Variants in RALA observed in about 807,000 individuals in gnomAD.
RALA encodes RAS like proto-oncogene A, also known as ras-related protein Ral-A.
In RALA, 5 loss-of-function variants were observed where a neutral mutation model predicts 24.0. The observed-to-expected ratio is 0.21, with a 90% CI of 0.11 to 0.44. The LOEUF is 0.44. Ranked by LOEUF, RALA falls within the 20% of genes least tolerant of loss-of-function variation. The pLI, the probability that RALA is intolerant of heterozygous loss-of-function variation, is 0.99. For missense variants in RALA, 95 were observed against 241.2 expected (o/e 0.39, Z 4.01); for synonymous variants, 77 against 83.8 (o/e 0.92, Z 0.44).
intron 4 of RALA, among the ~76,000 whole-genome samples, chr7:39,698,304 A>G (rs910532932): frequency 2.2e-4 from 33 of 152,318 alleles, no homozygotes; most frequent in African/African-American, 7.9e-4. Context: ...CATTCAGTCC[A>G]TAGCATGCCC....
intron 1 of RALA, among the ~76,000 whole-genome samples, chr7:39,658,047 C>T (rs1258426523): frequency 1.3e-5 from 2 of 152,170 alleles, no homozygotes; most frequent in Non-Finnish European, 2.9e-5. Flanking sequence ...GCATTCTAGT[C>T]CGTATTCTTG....
chr7:39,690,295 T>C, intron 2 of RALA, 87 bp from the exon 3 acceptor site: 1 of 1,120,834 alleles, frequency 8.9e-7, no homozygotes, highest in East Asian at 2.5e-5. Context: ...TGTACTATTT[T>C]GGCAGCTTCA....
intron 1 of RALA, among the ~76,000 whole-genome samples, chr7:39,647,585 T>TC (rs1169590130): frequency 1.3e-5 from 2 of 152,118 alleles, no homozygotes; most frequent in Non-Finnish European, 1.5e-5. Flanking sequence ...ATGTTTATGT[T>TC]CCCCCCAAAT....
chr7:39,643,581 C>T (rs931087127), intron 1 of RALA, among the ~76,000 whole-genome samples: 14 of 152,044 alleles, frequency 9.2e-5, no homozygotes, highest in African/African-American at 3.4e-4. Context: ...ATTAGCCAGG[C>T]GTGGTGGCTT....
chr7:39,638,029 C>A (rs945599388), intron 1 of RALA, among the ~76,000 whole-genome samples: 2 of 152,302 alleles, frequency 1.3e-5, no homozygotes, highest in Non-Finnish European at 2.9e-5. Context: ...CCTCTAATAT[C>A]TAACCCAGAT....
intron 1 of RALA, among the ~76,000 whole-genome samples, chr7:39,644,255 A>G (rs1317307819): frequency 6.6e-6 from 1 of 151,556 alleles, no homozygotes; most frequent in East Asian, 1.9e-4. Flanking sequence ...TAAGATACTC[A>G]GTAGGTATTC....
intron 1 of RALA, among the ~76,000 whole-genome samples, chr7:39,656,518 C>G (rs1792099591): frequency 6.6e-6 from 1 of 152,180 alleles, no homozygotes; most frequent in African/African-American, 2.4e-5. Flanking sequence ...AGCCAATTAT[C>G]TGGCAACCAG....
chr7:39,684,750 G>C (rs1048638196), intron 1 of RALA, among the ~76,000 whole-genome samples: 1 of 150,676 alleles, frequency 6.6e-6, no homozygotes, highest in Non-Finnish European at 1.5e-5. Context: ...GTTGCATAAT[G>C]TTTTAAGAAA....
At chr7:39,702,869 G>A (rs1793053838) in intron 4 of RALA, 1 of 152,186 alleles carries the variant, frequency 6.6e-6, no homozygotes, top group Non-Finnish European at 1.5e-5. Flanking sequence ...GGAGGGATAG[G>A]TAGAGATTTG....
intron 1 of RALA, among the ~76,000 whole-genome samples, chr7:39,630,834 A>G (rs571730355): frequency 6.6e-6 from 1 of 152,234 alleles, no homozygotes; most frequent in South Asian, 2.1e-4. Flanking sequence ...CTCACCATTC[A>G]TGCACCAGTA....
At chr7:39,654,795 G>A (rs1244259189) in intron 1 of RALA, among the ~76,000 whole-genome samples, 2 of 152,106 alleles carry the variant, frequency 1.3e-5, no homozygotes, top group African/African-American at 4.8e-5. Flanking sequence ...CTGTCACCAA[G>A]GCTGGAGTGC....
intron 1 of RALA, among the ~76,000 whole-genome samples, chr7:39,636,321 C>A (rs1351604235): frequency 6.6e-6 from 1 of 152,222 alleles, no homozygotes; most frequent in African/African-American, 2.4e-5. Flanking sequence ...TACATCCCCA[C>A]TGGAAGCGTA....
At chr7:39,638,649 G>A (rs1791727130) in intron 1 of RALA, among the ~76,000 whole-genome samples, 1 of 151,992 alleles carries the variant, frequency 6.6e-6, no homozygotes, top group Non-Finnish European at 1.5e-5. Flanking sequence ...TTCTCCCCGT[G>A]TTGTCCAGGA....
At chr7:39,679,386 G>A (rs1792545676) in intron 1 of RALA, among the ~76,000 whole-genome samples, 1 of 152,124 alleles carries the variant, frequency 6.6e-6, no homozygotes, top group Non-Finnish European at 1.5e-5. Flanking sequence ...ACAAGTCAAG[G>A]GGGCTCTGGT....
chr7:39,678,502 C>T (rs1792528732), intron 1 of RALA, among the ~76,000 whole-genome samples: 3 of 152,114 alleles, frequency 2.0e-5, no homozygotes, highest in African/African-American at 7.2e-5. Context: ...CTGGATGAAG[C>T]AAAGCTTGAA....
At chr7:39,679,912 T>G (rs1415646940) in intron 1 of RALA, among the ~76,000 whole-genome samples, 2 of 152,124 alleles carry the variant, frequency 1.3e-5, no homozygotes. Context: ...GGCTTCACTA[T>G]GTTGGCCAGA....
chr7:39,636,032 C>T (rs1309678432), intron 1 of RALA, among the ~76,000 whole-genome samples: 4 of 152,162 alleles, frequency 2.6e-5, no homozygotes, highest in East Asian at 1.9e-4. Context: ...TTGTAGCATG[C>T]GGCAATACTT....
Position 39,652,243 on chromosome 7 carries a change from T to C in RALA, c.-38+28418T>C, listed in dbSNP as rs193144455. ...TCCCACCCATGAGGGTGGCCTCTTATGGTTTACTCACTTCTTCAAGGTCCC... is the reference window on the plus strand; with the variant it reads ...TCCCACCCATGAGGGTGGCCTCTTACGGTTTACTCACTTCTTCAAGGTCCC... On this transcript the variant is annotated intron_variant, in intron 1 of 4. Transcript: ENST00000005257. 2.4e-3 allele frequency among the ~76,000 whole-genome samples: 360 copies of C among 152,320 alleles called. 1 individual carries two copies. The highest frequency in any genetic ancestry group is 8.1e-3 in the African/African-American group (338 of 41,572).
intron 1 of RALA, among the ~76,000 whole-genome samples, chr7:39,650,715 A>G (rs1336777016): frequency 6.6e-6 from 1 of 152,216 alleles, no homozygotes; most frequent in Non-Finnish European, 1.5e-5. Flanking sequence ...GCTTAAAACA[A>G]CAAACATTTA....
Sources: gnomAD v4.1 joint callset for allele counts (sites outside exome capture counted in the v4.1 genomes callset) on GRCh38, gnomAD v4.1.1 for gene constraint, MANE v1.5 for transcripts, NCBI Gene and HGNC (gene_info 2026-07-23, HGNC 2026-07-21) for gene names.